Variants in GREM2 observed in about 807,000 individuals in gnomAD.
GREM2 encodes the protein gremlin 2, DAN family BMP antagonist.
GREM2 carries 11 observed loss-of-function variants against 14.2 expected under a neutral mutation model. The ratio of observed to expected loss-of-function variants is 0.78; its 90% CI spans 0.49 to 1.28. GREM2 has a LOEUF of 1.28. GREM2 is among the 50% of genes most tolerant of loss of function. The pLI is 0.00. For missense variants in GREM2, 210 were observed against 218.5 expected, an observed-to-expected ratio of 0.96 and a Z score of 0.24; for synonymous variants, 98 against 97.6, an observed-to-expected ratio of 1.00 and a Z score of -0.02.
rs763876724 is a variant in GREM2 at position 240,527,279 on chromosome 1, G to A, written c.-1-33803C>T. ...AAGATGCACAGTTGTTGATCATCAT[G>A]TATCACTCTGTATTTGTAACTTGAA... On this transcript the variant is annotated intron_variant, in intron 1 of 1. Coordinates refer to ENST00000318160, the MANE Select transcript of GREM2 (RefSeq NM_022469.4). Among the ~76,000 whole-genome samples, 50 of 152,138 alleles carry A rather than the reference G, an allele frequency of 3.3e-4. 1 individual carries two copies. The highest frequency in any genetic ancestry group is 1.5e-3 in the Admixed American group (23 of 15,270).
At chr1:240,584,669 C>T (rs75356081) in intron 1 of GREM2, among the ~76,000 whole-genome samples, 3,026 of 152,074 alleles carry the variant, frequency 0.02, 91 homozygotes, top group African/African-American at 0.069. Context: ...ATGATTTCAC[C>T]ATAGCCCTCT....
intron 1 of GREM2, among the ~76,000 whole-genome samples, chr1:240,584,507 A>G: frequency 6.6e-6 from 1 of 151,348 alleles, no homozygotes; most frequent in East Asian, 1.9e-4. Context: ...AAAAAAAAAA[A>G]AAAAAGAAGA....
chr1:240,546,631 T>A (rs1289608087), intron 1 of GREM2, among the ~76,000 whole-genome samples: 1 of 152,204 alleles, frequency 6.6e-6, no homozygotes, highest in Non-Finnish European at 1.5e-5. Context: ...CAGAGAAGAT[T>A]GCAAATGATA....
At chr1:240,516,543 AT>A (rs1222495933) in intron 1 of GREM2, among the ~76,000 whole-genome samples, 1 of 152,112 alleles carries the variant, frequency 6.6e-6, no homozygotes, top group African/African-American at 2.4e-5. Context: ...TTAAAAACAC[AT>A]TTGGGGGCAT....
chr1:240,579,281 T>C (rs1013742274), intron 1 of GREM2, among the ~76,000 whole-genome samples: 27 of 152,222 alleles, frequency 1.8e-4, no homozygotes, highest in South Asian at 2.1e-4. Context: ...CTCCCCAGAA[T>C]TGATTAATTC....
intron 1 of GREM2, among the ~76,000 whole-genome samples, chr1:240,506,126 TATA>T (rs1677672505): frequency 6.6e-6 from 1 of 152,168 alleles, no homozygotes; most frequent in Non-Finnish European, 1.5e-5. Context: ...AGCATATTAT[TATA>T]TTATTATTTG....
chr1:240,527,035 T>A (rs1305652006), intron 1 of GREM2, among the ~76,000 whole-genome samples: 2 of 151,986 alleles, frequency 1.3e-5, no homozygotes, highest in African/African-American at 2.4e-5. Context: ...GGCTGAGAAG[T>A]AAAGGAAGAG....
chr1:240,524,569 A>G (rs1678180786), intron 1 of GREM2, among the ~76,000 whole-genome samples: 1 of 152,220 alleles, frequency 6.6e-6, no homozygotes, highest in Non-Finnish European at 1.5e-5. Flanking sequence ...GGTTGGGTTA[A>G]TTGCTCACAG....
intron 1 of GREM2, chr1:240,588,470 C>G (rs1038084547): frequency 6.6e-5 from 10 of 152,230 alleles, no homozygotes; most frequent in African/African-American, 2.4e-4. Flanking sequence ...GGGACTTCAT[C>G]CAGTCATCAT....
intron 1 of GREM2, among the ~76,000 whole-genome samples, chr1:240,505,562 G>T (rs913122234): frequency 4.6e-5 from 7 of 151,638 alleles, no homozygotes; most frequent in African/African-American, 1.7e-4. Flanking sequence ...ATGCTATTTT[G>T]CCCTCTTTTT....
intron 1 of GREM2, among the ~76,000 whole-genome samples, chr1:240,561,163 T>G (rs1259329159): frequency 6.6e-6 from 1 of 152,160 alleles, no homozygotes; most frequent in African/African-American, 2.4e-5. Flanking sequence ...AGGAGACAGG[T>G]TCTACTTGTG....
chr1:240,495,236 A>C (rs1025193912), intron 1 of GREM2, among the ~76,000 whole-genome samples: 1 of 152,210 alleles, frequency 6.6e-6, no homozygotes, highest in African/African-American at 2.4e-5. Context: ...TGTTACCAAC[A>C]TCATCATCAT....
intron 1 of GREM2, among the ~76,000 whole-genome samples, chr1:240,532,857 G>A (rs1037397864): frequency 6.6e-6 from 1 of 152,182 alleles, no homozygotes; most frequent in Non-Finnish European, 1.5e-5. Context: ...CAGAACCTGG[G>A]CACTTTACTG....
intron 1 of GREM2, among the ~76,000 whole-genome samples, chr1:240,500,916 C>CT (rs35439911): frequency 0.3 from 45,169 of 152,058 alleles, 8,005 homozygotes; most frequent in East Asian, 0.44. Context: ...TTGAGCTTGA[C>CT]TAAGTTGTGC....
intron 1 of GREM2, among the ~76,000 whole-genome samples, chr1:240,533,270 T>C (rs1029242408): frequency 6.6e-6 from 1 of 152,034 alleles, no homozygotes; most frequent in Non-Finnish European, 1.5e-5. Flanking sequence ...ATGAGCTAGC[T>C]GTGAAAAGGT....
chr1:240,561,070 G>T (rs1451892927), intron 1 of GREM2, among the ~76,000 whole-genome samples: 2 of 152,116 alleles, frequency 1.3e-5, no homozygotes, highest in East Asian at 1.9e-4. Flanking sequence ...CTTGCTAATT[G>T]ATTAAGGTGA....
intron 1 of GREM2, among the ~76,000 whole-genome samples, chr1:240,602,211 G>A (rs1679937788): frequency 6.6e-6 from 1 of 152,144 alleles, no homozygotes; most frequent in African/African-American, 2.4e-5. Flanking sequence ...CCACTAAGCT[G>A]AACAGGAAGA....
intron 1 of GREM2, among the ~76,000 whole-genome samples, chr1:240,507,527 T>C (rs1677705978): frequency 1.3e-5 from 2 of 152,138 alleles, no homozygotes; most frequent in South Asian, 4.1e-4. Flanking sequence ...GAGACAGGGT[T>C]TCACCATGTT....
chr1:240,527,513 T>C (rs1678250333), intron 1 of GREM2, among the ~76,000 whole-genome samples: 1 of 152,238 alleles, frequency 6.6e-6, no homozygotes, highest in African/African-American at 2.4e-5. Context: ...TATAATCTGC[T>C]TCTCTGCTGA....
Sources: gnomAD v4.1 joint callset for allele counts (sites outside exome capture counted in the v4.1 genomes callset) on GRCh38, gnomAD v4.1.1 for gene constraint, MANE v1.5 for transcripts, NCBI Gene and HGNC (gene_info 2026-07-23, HGNC 2026-07-21) for gene names.